SLC14A2: variants seen among roughly 807,000 people sequenced by gnomAD.
The protein encoded by SLC14A2 is urea transporter 2.
Under a neutral mutation model 104.6 loss-of-function variants are expected in SLC14A2, and 91 were observed. That is an observed-to-expected ratio of 0.87 (90% CI 0.73 to 1.04). The LOEUF (loss-of-function observed/expected upper bound fraction) is 1.04, where lower values mean the gene tolerates loss of function less well. Ranked by LOEUF, SLC14A2 falls within the 50% of genes least tolerant of loss-of-function variation. SLC14A2 has a pLI of 0.00. For synonymous variants in SLC14A2, 476 were observed against 466.4 expected (o/e 1.02, Z -0.27); for missense variants, 1,189 against 1,156.0 (o/e 1.03, Z -0.41).
At chr18:45,408,759 GAA>G (rs895444306) in intron 1 of SLC14A2, among the ~76,000 whole-genome samples, 7 of 152,074 alleles carry the variant, frequency 4.6e-5, no homozygotes, top group Admixed American at 1.3e-4. Context: ...GAAAGTGTGA[GAA>G]AAAGAGTGTG....
At chr18:45,404,330 AT>A (rs1304532437) in intron 1 of SLC14A2, among the ~76,000 whole-genome samples, 1 of 152,202 alleles carries the variant, frequency 6.6e-6, no homozygotes, top group African/African-American at 2.4e-5. Flanking sequence ...GTAAGGCTAT[AT>A]TTTTGATCCA....
chr18:45,180,599 T>TA, the SLC14A2 span, among the ~76,000 whole-genome samples: 24 of 152,134 alleles, frequency 1.6e-4, no homozygotes, highest in African/African-American at 5.8e-4. Flanking sequence ...ACAGACTTTG[T>TA]AAAAAATCTC....
upstream of SLC14A2, among the ~76,000 whole-genome samples, chr18:45,613,181 C>A (rs2045000113): frequency 6.6e-6 from 1 of 152,086 alleles, no homozygotes; most frequent in Non-Finnish European, 1.5e-5. Flanking sequence ...ACTACAGGCG[C>A]CCGCCACCAT....
chr18:45,679,112 C>G (rs1452058541), intron 19 of SLC14A2, 88 bp downstream of exon 19: 34 of 1,203,358 alleles, frequency 2.8e-5, no homozygotes, highest in Non-Finnish European at 4.0e-5. Context: ...CCTCTCTCCT[C>G]TAAGAACTCT....
chr18:45,557,457 A>G (rs970322280), intron 2 of SLC14A2, among the ~76,000 whole-genome samples: 5 of 152,236 alleles, frequency 3.3e-5, no homozygotes, highest in African/African-American at 1.2e-4. Context: ...CTGTAGGCTC[A>G]GGTTCTGTGG....
At position 45,542,035 on chromosome 18, in the gene SLC14A2, G is replaced by GTTT. The variant is rs60977948; in HGVS notation, c.-35+58748_-35+58750dup. Among the ~76,000 whole-genome samples, 56 of 54,208 alleles carry GTTT rather than the reference G, an allele frequency of 1.0e-3. 3 individuals are homozygous for GTTT. The highest frequency in any genetic ancestry group is 1.1e-3 in the Non-Finnish European group (31 of 27,002). 35.6% of individuals were successfully genotyped at this position (54,208 alleles called of 152,430 possible). On this transcript the variant is annotated intron_variant, in intron 2 of 20. Coordinates refer to the SLC14A2 transcript ENST00000586448. ...GGGCTTGTTAGATGAAAGAGAGAGG[G>GTTT]TTTTTTTTTTTTTTTTTTTTTTTTT...
intron 1 of SLC14A2, among the ~76,000 whole-genome samples, chr18:45,402,715 G>T (rs117819088): frequency 6.6e-6 from 1 of 152,050 alleles, no homozygotes; most frequent in East Asian, 1.9e-4. Flanking sequence ...TATAAGAAAA[G>T]AATCTGAATT....
intron 2 of SLC14A2, among the ~76,000 whole-genome samples, chr18:45,490,662 C>G (rs2042981067): frequency 6.6e-6 from 1 of 152,050 alleles, no homozygotes; most frequent in Non-Finnish European, 1.5e-5. Context: ...ATAAACAAAG[C>G]TAAAAGACAG....
rs537182320 is a variant in SLC14A2 at position 45,340,495 on chromosome 18, T to A, written c.-125+127304T>A. On this transcript the variant is annotated intron_variant, in intron 1 of 20. Coordinates refer to the SLC14A2 transcript ENST00000586448. ...AAGTCAGAGAATTTGTTGTCCTGAT[T>A]ATGAAGGTAGAGTATCTCTGATATT... is the stretch of plus-strand genomic sequence containing the variant. Among the ~76,000 whole-genome samples, 5 of 152,318 alleles carry A rather than the reference T, an allele frequency of 3.3e-5. No individual in the cohort carries two copies. The East Asian group carries it at 9.6e-4, about 29-fold the overall frequency.
At chr18:45,340,087 G>T (rs2085378559) in intron 1 of SLC14A2, among the ~76,000 whole-genome samples, 2 of 152,192 alleles carry the variant, frequency 1.3e-5, no homozygotes, top group African/African-American at 4.8e-5. Flanking sequence ...TATCTGAAAA[G>T]GAAACTCCCT....
chr18:45,622,030 A>C (rs1331701874), intron 1 of SLC14A2, among the ~76,000 whole-genome samples: 1 of 152,168 alleles, frequency 6.6e-6, no homozygotes, highest in Non-Finnish European at 1.5e-5. Context: ...TCACTAAAGC[A>C]CAGTGGCAGC....
Position 45,221,055 on chromosome 18 carries a change from A to G in SLC14A2, c.-125+7864A>G, listed in dbSNP as rs1037404953. Among the ~76,000 whole-genome samples the G allele has an allele frequency of 3.3e-5, 5 of 152,234 alleles. 1 individual carries two copies. The highest frequency in any genetic ancestry group is 9.6e-5 in the African/African-American group (4 of 41,466). ...ATTGAATCACCACTTTAAGAGCCCT[A>G]TCTCCAACTACAGTCACATTCTGAG... On this transcript the variant is annotated intron_variant, in intron 1 of 20. Coordinates refer to the SLC14A2 transcript ENST00000586448.
intron 1 of SLC14A2, among the ~76,000 whole-genome samples, chr18:45,330,658 A>G (rs1481629124): frequency 1.3e-5 from 2 of 152,196 alleles, no homozygotes; most frequent in Non-Finnish European, 2.9e-5. Flanking sequence ...ATGTGAGGTC[A>G]TGGATGTGAT....
intron 1 of SLC14A2, among the ~76,000 whole-genome samples, chr18:45,453,577 A>G (rs1185896416): frequency 6.6e-6 from 1 of 152,140 alleles, no homozygotes; most frequent in Non-Finnish European, 1.5e-5. Context: ...TTGGTGTTTC[A>G]TTTATTATAG....
chr18:45,412,290 T>C (rs962744860), intron 1 of SLC14A2, among the ~76,000 whole-genome samples: 8 of 152,202 alleles, frequency 5.3e-5, no homozygotes, highest in African/African-American at 1.9e-4. Context: ...GGGAAATCAG[T>C]GTACCTCCCA....
intron 1 of SLC14A2, among the ~76,000 whole-genome samples, chr18:45,427,465 G>A (rs921151186): frequency 5.3e-5 from 8 of 152,122 alleles, no homozygotes; most frequent in Non-Finnish European, 1.2e-4. Flanking sequence ...CCTCCTGACA[G>A]TCATGCTTTC....
At chr18:45,455,473 A>G (rs992238055) in intron 1 of SLC14A2, among the ~76,000 whole-genome samples, 1 of 152,034 alleles carries the variant, frequency 6.6e-6, no homozygotes, top group South Asian at 2.1e-4. Context: ...GGAGGGGAAC[A>G]TCACACACCA....
rs544737189 is a variant in SLC14A2 at position 45,506,282 on chromosome 18, AC to A, written c.-35+22963del. On this transcript the variant is annotated intron_variant, in intron 2 of 20. Transcript: ENST00000586448. Reference sequence around the variant, plus strand: ...AACCCAACCTTCTTCTCCCCATCAAACCCAACCACCTCCACAGAGCCTTCTT... The same window carrying A: ...AACCCAACCTTCTTCTCCCCATCAAACCAACCACCTCCACAGAGCCTTCTT... Among the ~76,000 whole-genome samples the A allele has an allele frequency of 1.0e-2, 1,511 of 151,726 alleles. 14 individuals carry two copies. Among genetic ancestry groups the A allele is most frequent in the Non-Finnish European group, 0.015 (987 of 67,910 alleles).
At chr18:45,446,446 A>G (rs910636535) in intron 1 of SLC14A2, among the ~76,000 whole-genome samples, 1 of 152,326 alleles carries the variant, frequency 6.6e-6, no homozygotes, top group African/African-American at 2.4e-5. Context: ...CAAGCCAGGA[A>G]GAAAGCCCTC....
Sources: allele counts gnomAD v4.1 joint callset (sites outside exome capture counted in the v4.1 genomes callset), GRCh38; gene constraint gnomAD v4.1.1; transcripts MANE v1.5; gene names NCBI Gene and HGNC (gene_info 2026-07-23, HGNC 2026-07-21).